The following CFAP61 variants were observed in gnomAD, a reference collection of about 807,000 sequenced individuals.
CFAP61 encodes cilia and flagella associated protein 61, also known as cilia- and flagella-associated protein 61.
A neutral mutation model predicts 135.6 loss-of-function variants in CFAP61; 107 were observed. That is an observed-to-expected ratio of 0.79 (90% confidence interval 0.67 to 0.93). The LOEUF is 0.93. Ranked by LOEUF, CFAP61 falls within the 40% of genes least tolerant of loss-of-function variation. The probability of loss-of-function intolerance (pLI) is 0.00; values close to 1 mark genes in which losing one functional copy is unlikely to be tolerated. For synonymous variants in CFAP61, 575 were observed against 578.5 expected, an observed-to-expected ratio of 0.99 and a Z score of 0.09; for missense variants, 1,507 against 1,556.2, an observed-to-expected ratio of 0.97 and a Z score of 0.53.
Position 20,263,120 on chromosome 20 carries a change from C to T in CFAP61, c.2493C>T (p.Ile831=). 6.2e-7 allele frequency: 1 copy of T among 1,612,410 alleles called. No individual in the cohort carries two copies. The highest frequency in any genetic ancestry group is 1.3e-5 in the African/African-American group (1 of 74,978). Reference sequence around the variant, plus strand: ...TGATTTGGATAAGGAATAACTCCATCACCACAGAAGGTAAGGATGTCGGTA... The same window carrying T: ...TGATTTGGATAAGGAATAACTCCATTACCACAGAAGGTAAGGATGTCGGTA... ...KALIWIRNNS[I]TTEGNIIVYG... The change falls in exon 21 of 27, where the codon ATC becomes ATT. Residue 831 remains isoleucine (I), a synonymous_variant. Transcript: ENST00000245957.
At chr20:20,333,632 G>A (rs751747410) in intron 25 of CFAP61, among the ~76,000 whole-genome samples, 1 of 152,206 alleles carries the variant, frequency 6.6e-6, no homozygotes, top group Non-Finnish European at 1.5e-5. Flanking sequence ...CGTAATTCAT[G>A]AATTAACATA....
intron 26 of CFAP61, among the ~76,000 whole-genome samples, chr20:20,358,659 T>A (rs1602200712): frequency 2.0e-5 from 3 of 152,320 alleles, no homozygotes; most frequent in African/African-American, 7.2e-5. Flanking sequence ...TGCTCTAGTT[T>A]AAATCTGAAT....
At chr20:20,335,134 T>G (rs1229489174) in intron 25 of CFAP61, among the ~76,000 whole-genome samples, 2 of 151,840 alleles carry the variant, frequency 1.3e-5, no homozygotes, top group Non-Finnish European at 2.9e-5. Context: ...ATACAGGGAG[T>G]TTCCCACTGG....
intron 25 of CFAP61, among the ~76,000 whole-genome samples, chr20:20,341,192 AC>A (rs941613087): frequency 1.3e-5 from 2 of 152,170 alleles, no homozygotes; most frequent in Non-Finnish European, 2.9e-5. Flanking sequence ...GAGTTAAAAT[AC>A]CAATAAGAGT....
intron 8 of CFAP61, among the ~76,000 whole-genome samples, chr20:20,121,103 CTT>C (rs869290856): frequency 0.11 from 12,763 of 112,714 alleles, 302 homozygotes; most frequent in Non-Finnish European, 0.14. Context: ...TTTATTTTTA[CTT>C]TTTTTTTTTT....
At chr20:20,176,233 G>A (rs543731696) in intron 13 of CFAP61, among the ~76,000 whole-genome samples, 2 of 152,214 alleles carry the variant, frequency 1.3e-5, no homozygotes, top group African/African-American at 4.8e-5. Flanking sequence ...GGAGAAATAG[G>A]AACAATTTTA....
intron 17 of CFAP61, among the ~76,000 whole-genome samples, chr20:20,223,296 G>A (rs553299123): frequency 3.4e-4 from 51 of 152,110 alleles, no homozygotes; most frequent in Non-Finnish European, 6.9e-4. Flanking sequence ...TTTTATACCC[G>A]AGGAAACTGA....
rs1478724974 is a variant in CFAP61, at chr20:20,088,286, G to GT, written c.567-2557dup. 2.6e-5 allele frequency among the ~76,000 whole-genome samples: 4 copies of GT among 152,238 alleles called. No individual in the cohort carries two copies. The East Asian group carries it at 7.7e-4, about 29-fold the overall frequency. ...CTTCCAGAGAGTTTTGACAAGAGGTGTATTAGTCCATTCTCACACTACTAT... is the reference window on the plus strand; with the variant it reads ...CTTCCAGAGAGTTTTGACAAGAGGTGTTATTAGTCCATTCTCACACTACTAT... On this transcript the variant is annotated intron_variant, in intron 6 of 26. Transcript: ENST00000245957.
At chr20:20,185,742 A>G (rs112524771) in intron 13 of CFAP61, among the ~76,000 whole-genome samples, 13 of 152,244 alleles carry the variant, frequency 8.5e-5, no homozygotes, top group African/African-American at 2.9e-4. Context: ...AACTCTACCA[A>G]TATGATGGTG....
chr20:20,077,152 A>T (rs1428243850), intron 6 of CFAP61, among the ~76,000 whole-genome samples: 1 of 152,156 alleles, frequency 6.6e-6, no homozygotes, highest in Non-Finnish European at 1.5e-5. Context: ...CCGCCCAAAA[A>T]AACCCCTCTA....
At chr20:20,060,468 G>A (rs1302600637) in intron 2 of CFAP61, among the ~76,000 whole-genome samples, 1 of 152,154 alleles carries the variant, frequency 6.6e-6, no homozygotes, top group Non-Finnish European at 1.5e-5. Context: ...TATTGATAAT[G>A]ACTGATTTGT....
At chr20:20,094,440 G>A (rs1168846072) in intron 7 of CFAP61, 1 of 152,132 alleles carries the variant, frequency 6.6e-6, no homozygotes, top group East Asian at 1.9e-4. Flanking sequence ...GTTTAATCAG[G>A]GTCTTTGTTT....
intron 1 of CFAP61, 106 bp downstream of exon 1, chr20:20,052,697 G>T: frequency 6.2e-7 from 1 of 1,612,118 alleles, no homozygotes; most frequent in East Asian, 2.2e-5. Flanking sequence ...AGGCGAGGAC[G>T]AGTGGCTCTG....
chr20:20,282,202 C>G (rs2054248382), intron 22 of CFAP61, among the ~76,000 whole-genome samples: 1 of 152,288 alleles, frequency 6.6e-6, no homozygotes, highest in South Asian at 2.1e-4. Flanking sequence ...CTCTTTCTCT[C>G]TCTCTCCCAG....
At chr20:20,309,512 A>G (rs1208083475) in intron 25 of CFAP61, among the ~76,000 whole-genome samples, 1 of 152,226 alleles carries the variant, frequency 6.6e-6, no homozygotes, top group East Asian at 1.9e-4. Flanking sequence ...AGGGAGAACC[A>G]GAGTGGCCGG....
intron 8 of CFAP61, among the ~76,000 whole-genome samples, chr20:20,135,263 C>T (rs183767960): frequency 3.3e-5 from 5 of 152,162 alleles, no homozygotes; most frequent in East Asian, 1.9e-4. Flanking sequence ...TGATTTCAGC[C>T]CAGGGATACT....
intron 25 of CFAP61, among the ~76,000 whole-genome samples, chr20:20,310,194 A>G (rs543887780): frequency 7.0e-4 from 107 of 152,216 alleles, no homozygotes; most frequent in African/African-American, 2.5e-3. Flanking sequence ...GGGTTTCACC[A>G]TGTTGCCCAG....
chr20:20,243,207 C>T (rs1305835131), intron 18 of CFAP61, among the ~76,000 whole-genome samples: 2 of 152,092 alleles, frequency 1.3e-5, no homozygotes, highest in East Asian at 1.9e-4. Context: ...CATCAGATCT[C>T]GTGAGACTAA....
intron 25 of CFAP61, among the ~76,000 whole-genome samples, chr20:20,327,146 AT>A (rs747063468): frequency 6.6e-6 from 1 of 152,092 alleles, no homozygotes; most frequent in South Asian, 2.1e-4. Flanking sequence ...GTTTAAGCAT[AT>A]TTTATTAGAT....
Sources: allele counts gnomAD v4.1 joint callset (sites outside exome capture counted in the v4.1 genomes callset), GRCh38; gene constraint gnomAD v4.1.1; transcripts MANE v1.5; gene names NCBI Gene and HGNC (gene_info 2026-07-23, HGNC 2026-07-21).